PCDHGA10: variants seen among roughly 807,000 people sequenced by gnomAD.
PCDHGA10 encodes the protein protocadherin gamma subfamily A, 10.
PCDHGA10 carries 42 observed loss-of-function variants against 59.5 expected under a neutral mutation model. That is an observed-to-expected ratio of 0.71 (90% CI 0.55 to 0.91). The LOEUF is 0.91. Among genes scored for constraint, PCDHGA10 ranks in the 40% least tolerant of loss-of-function variants. PCDHGA10 has a pLI of 0.00. For missense variants in PCDHGA10, 1,111 were observed against 1,198.2 expected, an observed-to-expected ratio of 0.93 and a Z score of 1.07; for synonymous variants, 511 against 517.2, an observed-to-expected ratio of 0.99 and a Z score of 0.16.
In PCDHGA10 at chr5:141,439,231, T is replaced by C. The variant is rs545867747; in HGVS notation, c.2436+23620T>C. 2.0e-5 allele frequency among the ~76,000 whole-genome samples: 3 copies of C among 151,650 alleles called. No individual in the cohort carries two copies. In the East Asian group the frequency reaches 5.8e-4, roughly 29 times the overall value. On this transcript the variant is annotated intron_variant, in intron 1 of 3. Coordinates refer to ENST00000398610, the MANE Select transcript of PCDHGA10 (RefSeq NM_018913.3). ...TCCATATGTGAAAATTCTTAGAAGC[T>C]TCCTATACAATTTCAGCTGAAGATT...
chr5:141,422,539 C>G, intron 1 of PCDHGA10: 1 of 1,613,994 alleles, frequency 6.2e-7, no homozygotes, highest in Non-Finnish European at 8.5e-7. Flanking sequence ...TGCAGAAACT[C>G]ATGTCTGGCT....
chr5:141,414,849 C>G lies in PCDHGA10; in HGVS notation c.1674C>G (p.Asp558Glu), dbSNP rs10038103. 1 of 1,614,134 alleles carries G rather than the reference C, an allele frequency of 6.2e-7. No homozygotes were observed. The highest frequency in any genetic ancestry group is 1.3e-5 in the African/African-American group (1 of 74,942). ...SNVSLSLFVL[D>E]QNDNAPEILY... ...TGTCGTTGAGCCTGTTTGTGCTGGACCAGAACGACAATGCGCCCGAGATCC... is the reference window on the plus strand; with the variant it reads ...TGTCGTTGAGCCTGTTTGTGCTGGAGCAGAACGACAATGCGCCCGAGATCC... Residue 558 changes from aspartate to glutamate, a missense_variant, in exon 1 of 4, where the codon GAC (aspartate) becomes GAG (glutamate). Coordinates refer to ENST00000398610, the MANE Select transcript of PCDHGA10 (RefSeq NM_018913.3).
Position 141,494,815 on chromosome 5 carries a change from G to A in PCDHGA10, c.2445G>A (p.Pro815=), listed in dbSNP as rs765344906. 1 of 1,613,976 alleles carries A rather than the reference G, an allele frequency of 6.2e-7. No homozygotes were observed. Among genetic ancestry groups the A allele is most frequent in the South Asian group, 1.1e-5 (1 of 91,072 alleles). ...IEDTPLVPQA[P]PNTDWRFSQA... The stretch of plus-strand genomic sequence containing the variant: ...CTCTGTTTTCTCCACAGCAAGCCCC[G>A]CCCAACACGGACTGGCGTTTCTCTC... The change falls in exon 2 of 4, where the codon CCG becomes CCA. Residue 815 remains proline, a synonymous_variant. Transcript: ENST00000398610.
Position 141,413,381 on chromosome 5 carries a change from G to T in PCDHGA10, c.206G>T (p.Arg69Leu). The T allele has an allele frequency of 1.2e-6, 2 of 1,613,946 alleles. No individual in the cohort carries two copies. Among genetic ancestry groups the T allele is most frequent in the Admixed American group, 1.7e-5 (1 of 60,032 alleles). ...APRELAERGVRIVSRGRTQLF... is the reference protein window; with the variant it reads ...APRELAERGVLIVSRGRTQLF... ...CGGGAGCTGGCGGAGCGCGGAGTCC[G>T]CATAGTCTCCAGAGGTAGGACGCAG... is the stretch of plus-strand genomic sequence containing the variant. The change falls in exon 1 of 4, where the codon CGC (arginine) becomes CTC (leucine). Residue 69 changes from arginine (R) to leucine (L), a missense_variant. Transcript: ENST00000398610.
chr5:141,435,108 G>A lies in PCDHGA10; in HGVS notation c.2436+19497G>A, dbSNP rs1027955145. ...AACTGATCTGTTTATCTAGGGGGGA[G>A]AAATCTAATTCAATGGAAAATATAA... On this transcript the variant is annotated intron_variant, in intron 1 of 3. Transcript: ENST00000398610. Among the ~76,000 whole-genome samples, 3 of 152,144 alleles carry A rather than the reference G, an allele frequency of 2.0e-5. No homozygotes were observed. In the South Asian group the frequency reaches 6.2e-4, roughly 32 times the overall value.
At chr5:141,443,199 G>C (rs936013020) in intron 1 of PCDHGA10, among the ~76,000 whole-genome samples, 1 of 152,002 alleles carries the variant, frequency 6.6e-6, no homozygotes. Context: ...ATAGTACAAA[G>C]AGCTTGTCTC....
At chr5:141,501,718 A>G (rs914077060) in intron 2 of PCDHGA10, among the ~76,000 whole-genome samples, 1 of 152,152 alleles carries the variant, frequency 6.6e-6, no homozygotes, top group Non-Finnish European at 1.5e-5. Flanking sequence ...AAAAAGACAA[A>G]TATATTACCC....
intron 2 of PCDHGA10, among the ~76,000 whole-genome samples, chr5:141,496,189 G>A (rs1362938002): frequency 1.3e-5 from 2 of 152,004 alleles, no homozygotes; most frequent in Admixed American, 6.6e-5. Flanking sequence ...AGCCCCAGCT[G>A]CTCATTTCAA....
rs1228771998 is a variant in PCDHGA10 at position 141,477,832 on chromosome 5, A to G, written c.2437-16975A>G. The stretch of plus-strand genomic sequence containing the variant: ...CCCCCCAGGTCCTATATCCTCGGCC[A>G]GGTGGGAGCTCGGTGGAGATGCTGC... On this transcript the variant is annotated intron_variant, in intron 1 of 3. Transcript: ENST00000398610. This position sits in a 1 kb window ranked among gnomAD's most constrained non-coding sequence, Gnocchi z 4.9. 1.2e-6 allele frequency: 2 copies of G among 1,614,166 alleles called. No homozygotes were observed. Among genetic ancestry groups the G allele is most frequent in the South Asian group, 1.1e-5 (1 of 91,086 alleles).
chr5:141,482,032 C>T (rs1370023352), intron 1 of PCDHGA10, among the ~76,000 whole-genome samples: 1 of 151,018 alleles, frequency 6.6e-6, no homozygotes, highest in African/African-American at 2.4e-5. Flanking sequence ...TTGCAGTGAG[C>T]CAAGATCATG....
intron 1 of PCDHGA10, among the ~76,000 whole-genome samples, chr5:141,458,201 T>C (rs973995736): frequency 6.6e-6 from 1 of 152,168 alleles, no homozygotes; most frequent in African/African-American, 2.4e-5. Context: ...AGGCCATAAA[T>C]AGTTTAAAAT....
In PCDHGA10 at chr5:141,477,551, C is replaced by T. The variant is rs372055994; in HGVS notation, c.2437-17256C>T. ...CCTCCCCGGGGCTCCAATACTAAAC[C>T]TAAGTGTCTGGGACCCCGACGCCCC... On this transcript the variant is annotated intron_variant, in intron 1 of 3. Coordinates refer to ENST00000398610, the MANE Select transcript of PCDHGA10 (RefSeq NM_018913.3). The surrounding 1 kb of genome is among the most constrained non-coding windows in gnomAD (Gnocchi z 4.9). The T allele has an allele frequency of 8.1e-6, 13 of 1,614,060 alleles. No homozygotes were observed. Among genetic ancestry groups the T allele is most frequent in the Non-Finnish European group, 1.0e-5 (12 of 1,180,042 alleles).
chr5:141,447,538 T>C (rs954291961), intron 1 of PCDHGA10, among the ~76,000 whole-genome samples: 4 of 152,204 alleles, frequency 2.6e-5, no homozygotes, highest in Admixed American at 2.6e-4. Context: ...TTGTTGGGTT[T>C]TAATGTTATG....
intron 1 of PCDHGA10, chr5:141,418,597 G>A (rs2096274061): frequency 3.7e-6 from 6 of 1,614,052 alleles, no homozygotes; most frequent in Non-Finnish European, 5.1e-6. Flanking sequence ...GCCAGGACGT[G>A]TACAGGGTTA....
intron 1 of PCDHGA10, among the ~76,000 whole-genome samples, chr5:141,436,884 G>T (rs1041906146): frequency 6.6e-6 from 1 of 152,190 alleles, no homozygotes; most frequent in Non-Finnish European, 1.5e-5. Context: ...AAAAGATGGG[G>T]GAAAGATTTT....
In PCDHGA10 at chr5:141,430,969, TAGGACGCA is replaced by T. The variant is rs775497521; in HGVS notation, c.2436+15359_2436+15366del. The T allele has an allele frequency of 7.3e-5, 118 of 1,613,012 alleles. 1 individual carries two copies. The Middle Eastern group carries it at 1.8e-3, about 25-fold the overall frequency. On this transcript the variant is annotated intron_variant, in intron 1 of 3. Transcript: ENST00000398610. ...GCGGAGTCCGCATCATCCCCAGAGG[TAGGACGCA>T]GCTTTTCGCCCTGAATCCGCGCAGC...
rs1561852927 is a variant in PCDHGA10, at chr5:141,431,472, A to G, written c.2436+15861A>G. On this transcript the variant is annotated intron_variant, in intron 1 of 3. Coordinates refer to ENST00000398610, the MANE Select transcript of PCDHGA10 (RefSeq NM_018913.3). The surrounding 1 kb of genome is among the most constrained non-coding windows in gnomAD (Gnocchi z 4.8). The stretch of plus-strand genomic sequence containing the variant: ...GTGATGGTTCTGGATGCGAACGACA[A>G]CGCACCAGCGTTTGCTCAGCCCGAG... 6.2e-7 allele frequency: 1 copy of G among 1,613,784 alleles called. No individual in the cohort carries two copies. The highest frequency in any genetic ancestry group is 8.5e-7 in the Non-Finnish European group (1 of 1,179,948).
intron 1 of PCDHGA10, 145 bp downstream of exon 1, chr5:141,415,756 T>G (rs756759295): frequency 1.5e-4 from 214 of 1,386,812 alleles, no homozygotes; most frequent in African/African-American, 5.9e-4. Flanking sequence ...TTTTTTTTTT[T>G]TTTTTTTTTT....
chr5:141,427,865 G>A, intron 1 of PCDHGA10: 1 of 1,558,148 alleles, frequency 6.4e-7, no homozygotes. Flanking sequence ...GCGCCTTCGA[G>A]CTCACGATGC....
Sources: gnomAD v4.1 joint callset for allele counts (sites outside exome capture counted in the v4.1 genomes callset) on GRCh38, gnomAD v4.1.1 for gene constraint, Gnocchi (gnomAD v3.1) non-coding constraint, MANE v1.5 for transcripts, NCBI Gene and HGNC (gene_info 2026-07-23, HGNC 2026-07-21) for gene names.